TRPV5: variants seen among roughly 807,000 people sequenced by gnomAD.
TRPV5 encodes calcium transport protein 2.
Under a neutral mutation model 74.1 loss-of-function variants are expected in TRPV5, and 66 were observed. The observed-to-expected ratio is 0.89, with a 90% CI of 0.73 to 1.09. The LOEUF (loss-of-function observed/expected upper bound fraction) is 1.09. Ranked by LOEUF, TRPV5 falls within the 50% of genes least tolerant of loss-of-function variation. TRPV5 has a pLI of 0.00. For missense variants in TRPV5, 936 were observed against 930.4 expected, an observed-to-expected ratio of 1.01 and a Z score of -0.08; for synonymous variants, 399 against 360.7, an observed-to-expected ratio of 1.11 and a Z score of -1.20.
chr7:142,908,653 G>A lies in TRPV5; in HGVS notation c.2051C>T (p.Pro684Leu). ...GTLARASLAL[P>L]TSSLSRTASQ... ...CGCGGTCCGGGACAGGGAGGAAGTT[G>A]GAAGAGCCAAAGAGGCTCTGGCTAG... is the stretch of plus-strand genomic sequence containing the variant. The change falls in exon 15 of 15, where the codon CCA becomes CTA. Residue 684 changes from proline (P) to leucine (L), a missense_variant. By Grantham distance (98) the Pro-to-Leu change is moderately conservative. Coordinates refer to ENST00000265310, the MANE Select transcript of TRPV5 (RefSeq NM_019841.7). 1 of 1,614,232 alleles carries A rather than the reference G, an allele frequency of 6.2e-7. No individual in the cohort carries two copies. The highest frequency in any genetic ancestry group is 8.5e-7 in the Non-Finnish European group (1 of 1,180,042).
intron 7 of TRPV5, among the ~76,000 whole-genome samples, chr7:142,926,360 T>C (rs899443620): frequency 1.3e-5 from 2 of 152,008 alleles, no homozygotes; most frequent in Non-Finnish European, 2.9e-5. Context: ...AAGCAGCCAG[T>C]GAGACGTTAA....
In TRPV5 at chr7:142,914,616, G is replaced by A. The variant is rs371619353; in HGVS notation, c.1519+24C>T. 56 of 1,604,980 alleles carry A rather than the reference G, an allele frequency of 3.5e-5. No individual in the cohort carries two copies. The African/African-American group carries it at 6.4e-4, about 18-fold the overall frequency. ...CTGGAGAACTAGATCTGCTGATCTA[G>A]TAGAGGAGTGTATGGTGCCTTACCG... On this transcript the variant is annotated intron_variant, in intron 12 of 14. Transcript: ENST00000265310.
At chr7:142,911,377 T>C (rs186058056) in intron 13 of TRPV5, among the ~76,000 whole-genome samples, 4 of 152,332 alleles carry the variant, frequency 2.6e-5, no homozygotes, top group African/African-American at 4.8e-5. Context: ...TGTTTGAGTT[T>C]GGTTTTCTGT....
At position 142,912,603 on chromosome 7, in the gene TRPV5, C is replaced by T. The variant is rs1311844507; in HGVS notation, c.1667G>A (p.Ser556Asn). The T allele has an allele frequency of 6.2e-7, 1 of 1,614,106 alleles. No individual in the cohort carries two copies. The highest frequency in any genetic ancestry group is 8.5e-7 in the Non-Finnish European group (1 of 1,180,054). Residue 556 changes from serine (S) to asparagine (N), a missense_variant, in exon 13 of 15, where the codon AGC becomes AAC. By Grantham distance (46) the Ser-to-Asn change is conservative. Coordinates refer to ENST00000265310, the MANE Select transcript of TRPV5 (RefSeq NM_019841.7). ...NYDVDLPFMF[S>N]IVNFAFTIIA... ...GATGGTGAAGGCGAAGTTGACAATGCTGAACATGAAGGGCAAGTCCACGTC... is the reference window on the plus strand; with the variant it reads ...GATGGTGAAGGCGAAGTTGACAATGTTGAACATGAAGGGCAAGTCCACGTC...
In TRPV5 at chr7:142,929,560, T is replaced by A; in HGVS notation, c.355A>T (p.Thr119Ser). 1 of 1,613,364 alleles carries A rather than the reference T, an allele frequency of 6.2e-7. No homozygotes were observed. Among genetic ancestry groups the A allele is most frequent in the African/African-American group, 1.3e-5 (1 of 75,022 alleles). Reference protein sequence around the residue: ...PTTCEAFAGQTALHIAVVNQN... With the variant: ...PTTCEAFAGQSALHIAVVNQN... ...TTCACAACAGCGATGTGCAGTGCAG[T>A]CTGACCTGGCCCAGAGACAGCCATC... Residue 119 changes from threonine (T) to serine (S), a missense_variant, in exon 4 of 15, where the codon ACT (threonine) becomes TCT (serine). Physicochemically the swap from Thr to Ser is moderately conservative, Grantham distance 58. Transcript: ENST00000265310.
intron 2 of TRPV5, 60 bp from the exon 3 acceptor site, chr7:142,930,240 T>C: frequency 6.2e-7 from 1 of 1,607,830 alleles, no homozygotes; most frequent in Non-Finnish European, 8.5e-7. Context: ...GGAAGGGGCC[T>C]CAGGCTCCAG....
intron 7 of TRPV5, among the ~76,000 whole-genome samples, chr7:142,926,698 C>T (rs1434739608): frequency 6.6e-6 from 1 of 152,188 alleles, no homozygotes; most frequent in Admixed American, 6.5e-5. Flanking sequence ...ACCCAAGACA[C>T]TTATGAAACC....
chr7:142,912,522 C>T lies in TRPV5; in HGVS notation c.1748G>A (p.Trp583Ter). The T allele has an allele frequency of 1.2e-6, 2 of 1,614,236 alleles. No individual in the cohort carries two copies. Among genetic ancestry groups the T allele is most frequent in the Non-Finnish European group, 1.7e-6 (2 of 1,180,048 alleles). Reference sequence around the variant, plus strand: ...CTCATCCCTCTCCTGGGCCACCCTCCAGTGGGTGTCGCCCATCATGGCGAT... The same window carrying T: ...CTCATCCCTCTCCTGGGCCACCCTCTAGTGGGTGTCGCCCATCATGGCGAT... ...LFIAMMGDTH[W>*]RVAQERDELW... The change falls in exon 13 of 15, where the codon TGG becomes TAG. Residue 583 changes from tryptophan to a stop codon, truncating the protein, a stop_gained. Coordinates refer to ENST00000265310, the MANE Select transcript of TRPV5 (RefSeq NM_019841.7). LOFTEE classifies it high-confidence loss of function.
rs923709469 is a variant in TRPV5 at position 142,908,879 on chromosome 7, C to T, written c.1896-71G>A. ...TGGGCAGGGGAGAAGTAGAGGTGAC[C>T]ATTTAGAAAGCAGGGTCAAGAGGGA... On this transcript the variant is annotated intron_variant, in intron 14 of 14. Coordinates refer to ENST00000265310, the MANE Select transcript of TRPV5 (RefSeq NM_019841.7). The T allele has an allele frequency of 4.7e-6, 7 of 1,483,856 alleles. No individual in the cohort carries two copies. In the African/African-American group the frequency reaches 8.4e-5, roughly 18 times the overall value. The allele number at this position is 1,483,856 out of a possible 1,614,324, so 91.9% of individuals were successfully genotyped here. A position where few individuals can be genotyped will look rare whatever the true frequency, so the allele number is the denominator to read the frequency against.
intron 3 of TRPV5, 140 bp downstream of exon 3, chr7:142,929,918 T>C: frequency 7.3e-7 from 1 of 1,365,280 alleles, no homozygotes; most frequent in Non-Finnish European, 1.0e-6. Context: ...ACCTTTGCAT[T>C]TCTCCCAACT....
chr7:142,908,399 A>C lies in TRPV5; in HGVS notation c.*115T>G. 8.4e-7 allele frequency: 1 copy of C among 1,194,894 alleles called. No individual in the cohort carries two copies. The highest frequency in any genetic ancestry group is 2.1e-5 in the Admixed American group (1 of 46,588). The allele number at this position is 1,194,894 out of a possible 1,614,324, so 74.0% of individuals were successfully genotyped here. A position where few individuals can be genotyped will look rare whatever the true frequency, so the allele number is the denominator to read the frequency against. On this transcript the variant is annotated 3_prime_UTR_variant, in exon 15 of 15. Coordinates refer to ENST00000265310, the MANE Select transcript of TRPV5 (RefSeq NM_019841.7). ...GACCCTTTAGGGATTGTTCTGTCTCACCCTCCCATGATTAACAGGCACAGA... is the reference window on the plus strand; with the variant it reads ...GACCCTTTAGGGATTGTTCTGTCTCCCCCTCCCATGATTAACAGGCACAGA...
chr7:142,920,173 AAG>A (rs372163046), intron 8 of TRPV5, among the ~76,000 whole-genome samples: 2 of 151,612 alleles, frequency 1.3e-5, no homozygotes, highest in African/African-American at 2.4e-5. Context: ...CTGGGCCATA[AAG>A]AGAGAGAGAG....
At position 142,908,646 on chromosome 7, in the gene TRPV5, G is replaced by GT. The variant is rs1795651539; in HGVS notation, c.2057_2058insA (p.Ser687LeufsTer33). The GT allele has an allele frequency of 6.2e-7, 1 of 1,614,260 alleles. No homozygotes were observed. ...TCTGGGACGCGGTCCGGGACAGGGA[G>GT]GAAGTTGGAAGAGCCAAAGAGGCTC... On this transcript the variant is annotated frameshift_variant, in exon 15 of 15. Coordinates refer to ENST00000265310, the MANE Select transcript of TRPV5 (RefSeq NM_019841.7). LOFTEE classifies it high-confidence loss of function.
chr7:142,908,503 A>G lies in TRPV5; in HGVS notation c.*11T>C. Reference sequence around the variant, plus strand: ...AACCGGGAGTAAGGTCAAGAGTGATAGCGATGTTAATCAAAAATGGTAGAC... The same window carrying G: ...AACCGGGAGTAAGGTCAAGAGTGATGGCGATGTTAATCAAAAATGGTAGAC... On this transcript the variant is annotated 3_prime_UTR_variant, in exon 15 of 15. Coordinates refer to ENST00000265310, the MANE Select transcript of TRPV5 (RefSeq NM_019841.7). The G allele has an allele frequency of 6.2e-7, 1 of 1,613,608 alleles. No homozygotes were observed. The highest frequency in any genetic ancestry group is 8.5e-7 in the Non-Finnish European group (1 of 1,179,500).
intron 8 of TRPV5, among the ~76,000 whole-genome samples, chr7:142,923,107 C>G (rs888955692): frequency 6.6e-6 from 1 of 152,092 alleles, no homozygotes; most frequent in African/African-American, 2.4e-5. Flanking sequence ...TCCACAGATC[C>G]CAAGAGATCT....
chr7:142,932,553 C>T (rs1211988755), intron 1 of TRPV5, among the ~76,000 whole-genome samples: 1 of 152,164 alleles, frequency 6.6e-6, no homozygotes, highest in Non-Finnish European at 1.5e-5. Context: ...CTAATGTCTG[C>T]TCAACAACCT....
Position 142,914,945 on chromosome 7 carries a change from C to A in TRPV5, c.1388G>T (p.Cys463Phe). ...TCCTCGAGTGAAATACATGACACTG[C>A]ACCAGCCCAGCACCAGGGCAAAGGA... Reference protein sequence around the residue: ...PMSFALVLGWCSVMYFTRGFQ... With the variant: ...PMSFALVLGWFSVMYFTRGFQ... The change falls in exon 11 of 15, where the codon TGC becomes TTC. Residue 463 changes from cysteine (C) to phenylalanine (F), a missense_variant. Cys to Phe is a radical substitution (Grantham distance 205, BLOSUM62 -2). Transcript: ENST00000265310. 6.2e-7 allele frequency: 1 copy of A among 1,614,144 alleles called. No homozygotes were observed. The highest frequency in any genetic ancestry group is 1.1e-5 in the South Asian group (1 of 91,074).
chr7:142,929,249 C>G, intron 4 of TRPV5, 129 bp from the exon 5 acceptor site: 1 of 1,476,072 alleles, frequency 6.8e-7, no homozygotes, highest in South Asian at 1.3e-5. Flanking sequence ...ACTCGTCCAG[C>G]AGAACCAGAG....
chr7:142,915,148 C>G, intron 10 of TRPV5, 102 bp from the exon 11 acceptor site: 1 of 1,535,028 alleles, frequency 6.5e-7, no homozygotes, highest in Non-Finnish European at 8.9e-7. Flanking sequence ...CAGGCTTAGT[C>G]TTTACACCTA....
Sources: gnomAD v4.1 joint callset for allele counts (sites outside exome capture counted in the v4.1 genomes callset) on GRCh38, gnomAD v4.1.1 for gene constraint, MANE v1.5 for transcripts, NCBI Gene and HGNC (gene_info 2026-07-23, HGNC 2026-07-21) for gene names.